NUDCD1: variants seen among roughly 807,000 people sequenced by gnomAD.
NUDCD1 encodes the protein NudC domain containing 1.
In NUDCD1, 60 loss-of-function variants were observed where a neutral mutation model predicts 67.8. The observed-to-expected ratio is 0.88, with a 90% CI of 0.72 to 1.10. The LOEUF is 1.10. Ranked by LOEUF, NUDCD1 falls within the 50% of genes least tolerant of loss-of-function variation. The probability of loss-of-function intolerance (pLI) is 0.00; values close to 1 mark genes in which losing one functional copy is unlikely to be tolerated. For synonymous variants in NUDCD1, 244 were observed against 230.8 expected, an observed-to-expected ratio of 1.06 and a Z score of -0.52; for missense variants, 643 against 695.0, an observed-to-expected ratio of 0.93 and a Z score of 0.84.
intron 8 of NUDCD1, among the ~76,000 whole-genome samples, chr8:109,255,677 A>AG (rs1256557397): frequency 1.4e-5 from 2 of 148,002 alleles, no homozygotes; most frequent in Non-Finnish European, 3.0e-5. Flanking sequence ...AGTTCCACAC[A>AG]GAAAAAAAAA....
At chr8:109,273,618 C>A (rs914034844) in intron 7 of NUDCD1, among the ~76,000 whole-genome samples, 1 of 152,080 alleles carries the variant, frequency 6.6e-6, no homozygotes, top group Non-Finnish European at 1.5e-5. Flanking sequence ...CAGATGCTCA[C>A]ATTAGACCTA....
At chr8:109,324,065 A>AAAC (rs1039782364) in intron 1 of NUDCD1, among the ~76,000 whole-genome samples, 1 of 152,054 alleles carries the variant, frequency 6.6e-6, no homozygotes, top group African/African-American at 2.4e-5. Flanking sequence ...ATATTTAACT[A>AAAC]AACAACAACA....
chr8:109,331,570 T>C (rs1815809166), intron 1 of NUDCD1, among the ~76,000 whole-genome samples: 1 of 150,612 alleles, frequency 6.6e-6, no homozygotes, highest in Non-Finnish European at 1.5e-5. Context: ...CCTGCAGCTG[T>C]ACATCCCAAA....
At chr8:109,268,244 A>C (rs146440854) in intron 8 of NUDCD1, among the ~76,000 whole-genome samples, 4,950 of 152,242 alleles carry the variant, frequency 0.033, 102 homozygotes, top group Middle Eastern at 0.11. Context: ...AAATGTAAGA[A>C]AAATCGGTGT....
At chr8:109,266,430 G>A (rs933608870) in intron 8 of NUDCD1, among the ~76,000 whole-genome samples, 10 of 136,916 alleles carry the variant, frequency 7.3e-5, no homozygotes, top group African/African-American at 2.5e-4. Flanking sequence ...ATTTTCAGTA[G>A]AGATGGGGTT....
At chr8:109,275,269 T>C (rs1028630869) in intron 7 of NUDCD1, 83 bp downstream of exon 7, 2 of 1,358,038 alleles carry the variant, frequency 1.5e-6, no homozygotes, top group Admixed American at 2.1e-5. Context: ...AAAAGCAAAA[T>C]ATTGTTTGAA....
rs188491111 is a variant in NUDCD1 at position 109,307,063 on chromosome 8, T to C, written c.274-10494A>G. On this transcript the variant is annotated intron_variant, in intron 2 of 9. Coordinates refer to ENST00000239690, the MANE Select transcript of NUDCD1 (RefSeq NM_032869.4). ...AGGGCTCTGAGCCCAAGTTAAGCCA[T>C]CATATCCCCTGTGACCTGCATGTAT... Among the ~76,000 whole-genome samples, 166 of 152,260 alleles carry C rather than the reference T, an allele frequency of 1.1e-3. 4 individuals are homozygous for C. The highest frequency in any genetic ancestry group is 7.4e-4 in the Non-Finnish European group (50 of 68,020).
chr8:109,276,138 T>C (rs555386331), intron 6 of NUDCD1, among the ~76,000 whole-genome samples: 1 of 152,204 alleles, frequency 6.6e-6, no homozygotes, highest in African/African-American at 2.4e-5. Flanking sequence ...ATTCTGTACA[T>C]GTAAACAACT....
chr8:109,290,689 A>C (rs1452885334), intron 4 of NUDCD1, among the ~76,000 whole-genome samples: 2 of 152,188 alleles, frequency 1.3e-5, no homozygotes, highest in African/African-American at 4.8e-5. Context: ...TTATTTTCCT[A>C]TAAAGACAGT....
At chr8:109,324,767 G>A (rs1019669664) in intron 1 of NUDCD1, among the ~76,000 whole-genome samples, 1 of 152,156 alleles carries the variant, frequency 6.6e-6, no homozygotes, top group African/African-American at 2.4e-5. Context: ...CAACATAGAT[G>A]GAACTGGAGG....
chr8:109,282,320 C>A lies in NUDCD1; in HGVS notation c.824-1148G>T, dbSNP rs554000018. On this transcript the variant is annotated intron_variant, in intron 5 of 9. Coordinates refer to ENST00000239690, the MANE Select transcript of NUDCD1 (RefSeq NM_032869.4). Reference sequence around the variant, plus strand: ...ACTGGCTGCAATTGGCTGTTACTAACAAGCACCATCTACTGGCTTGTAGGT... The same window carrying A: ...ACTGGCTGCAATTGGCTGTTACTAAAAAGCACCATCTACTGGCTTGTAGGT... Among the ~76,000 whole-genome samples, 10 of 152,230 alleles carry A rather than the reference C, an allele frequency of 6.6e-5. No individual in the cohort carries two copies. The South Asian group carries it at 2.1e-3, about 32-fold the overall frequency.
In NUDCD1 at chr8:109,311,556, G is replaced by GATATATATAT. The variant is rs1563681331; in HGVS notation, c.273+10752_273+10753insATATATATAT. On this transcript the variant is annotated intron_variant, in intron 2 of 9. Transcript: ENST00000239690. ...ATCAATGAGTGGATAAAGAAACTGT[G>GATATATATAT]GTGTATATATATATATGATGGGATA... 5.6e-5 allele frequency among the ~76,000 whole-genome samples: 3 copies of GATATATATAT among 53,996 alleles called. 1 individual carries two copies. The highest frequency in any genetic ancestry group is 3.8e-4 in the African/African-American group (3 of 7,932). The allele number at this position is 53,996 out of a possible 152,430, so 35.4% of individuals were successfully genotyped here.
intron 5 of NUDCD1, among the ~76,000 whole-genome samples, chr8:109,289,029 G>A (rs1814639122): frequency 1.3e-5 from 2 of 150,814 alleles, no homozygotes; most frequent in South Asian, 2.1e-4. Flanking sequence ...AAGCTGGAGT[G>A]CAGTGGCACA....
intron 8 of NUDCD1, among the ~76,000 whole-genome samples, chr8:109,248,218 C>G (rs1813542758): frequency 6.6e-6 from 1 of 152,200 alleles, no homozygotes; most frequent in Non-Finnish European, 1.5e-5. Context: ...GAAATGGATT[C>G]TCCCCTAGAG....
intron 2 of NUDCD1, among the ~76,000 whole-genome samples, chr8:109,304,998 T>C (rs533855339): frequency 1.1e-4 from 17 of 152,312 alleles, no homozygotes; most frequent in African/African-American, 3.8e-4. Context: ...ACCTCTTCCA[T>C]GTAGGTTACA....
intron 8 of NUDCD1, among the ~76,000 whole-genome samples, chr8:109,260,311 C>T (rs1813836500): frequency 6.6e-6 from 1 of 152,230 alleles, no homozygotes; most frequent in Non-Finnish European, 1.5e-5. Context: ...CTTCGGGCCT[C>T]AGGCCCCTGA....
intron 2 of NUDCD1, among the ~76,000 whole-genome samples, chr8:109,305,188 G>C (rs1255058766): frequency 6.6e-6 from 1 of 152,144 alleles, no homozygotes; most frequent in African/African-American, 2.4e-5. Flanking sequence ...CTGGCAAATT[G>C]ACTTTACCCA....
intron 8 of NUDCD1, among the ~76,000 whole-genome samples, chr8:109,267,881 C>T (rs1348909307): frequency 6.6e-6 from 1 of 152,170 alleles, no homozygotes; most frequent in Non-Finnish European, 1.5e-5. Flanking sequence ...TGTATTTATT[C>T]AGAAGTAAGT....
chr8:109,244,610 T>C (rs1203516842), intron 9 of NUDCD1, among the ~76,000 whole-genome samples: 3 of 152,142 alleles, frequency 2.0e-5, no homozygotes, highest in Non-Finnish European at 4.4e-5. Context: ...CATATAGCCA[T>C]CAAAATACGT....
Sources: gnomAD v4.1 joint callset for allele counts (sites outside exome capture counted in the v4.1 genomes callset) on GRCh38, gnomAD v4.1.1 for gene constraint, MANE v1.5 for transcripts, NCBI Gene and HGNC (gene_info 2026-07-23, HGNC 2026-07-21) for gene names.